The following TENM4 variants were observed in gnomAD, a reference collection of about 807,000 sequenced individuals.
TENM4 encodes the protein teneurin transmembrane protein 4.
Under a neutral mutation model 243.3 loss-of-function variants are expected in TENM4, and 82 were observed. The ratio of observed to expected loss-of-function variants is 0.34; its 90% CI spans 0.28 to 0.40. The LOEUF (loss-of-function observed/expected upper bound fraction) is 0.40, where lower values mean the gene tolerates loss of function less well. TENM4 is among the 10% of genes least tolerant of loss of function. The pLI is 1.00. For missense variants in TENM4, 3,138 were observed against 3,673.3 expected (o/e 0.85, Z 3.77); for synonymous variants, 1,412 against 1,456.3 (o/e 0.97, Z 0.69).
intron 2 of TENM4, among the ~76,000 whole-genome samples, chr11:79,296,720 G>T (rs1304870688): frequency 6.6e-6 from 1 of 152,194 alleles, no homozygotes; most frequent in Admixed American, 6.5e-5. Flanking sequence ...TCAAGGTATG[G>T]CTTTGGCCCA....
rs549785146 is a variant in TENM4, at chr11:78,902,437, A to C, written c.749+831T>G. On this transcript the variant is annotated intron_variant, in intron 7 of 33. Coordinates refer to ENST00000278550, the MANE Select transcript of TENM4 (RefSeq NM_001098816.3). The stretch of plus-strand genomic sequence containing the variant: ...CTGACCAACAAAGCTGGAAGAAGGA[A>C]CAGGGCAGAGGGATCCCGGCCAGCA... 4.6e-5 allele frequency among the ~76,000 whole-genome samples: 7 copies of C among 152,314 alleles called. No homozygotes were observed. The East Asian group carries it at 1.2e-3, about 25-fold the overall frequency.
At chr11:79,219,027 T>A (rs139707275) in intron 2 of TENM4, among the ~76,000 whole-genome samples, 42 of 152,296 alleles carry the variant, frequency 2.8e-4, no homozygotes, top group Admixed American at 1.2e-3. Flanking sequence ...AGAACTATAA[T>A]GTTTGGCAGT....
chr11:79,035,861 C>T (rs1016592892), intron 6 of TENM4, among the ~76,000 whole-genome samples: 4 of 152,160 alleles, frequency 2.6e-5, no homozygotes, highest in African/African-American at 7.2e-5. Flanking sequence ...TCACCCATCC[C>T]ACTCATCTCC....
intron 9 of TENM4, among the ~76,000 whole-genome samples, chr11:78,865,910 A>G (rs1057013653): frequency 2.6e-5 from 4 of 152,230 alleles, no homozygotes; most frequent in Non-Finnish European, 5.9e-5. Context: ...GTACCTAATG[A>G]GGTAATACAT....
intron 6 of TENM4, among the ~76,000 whole-genome samples, chr11:79,028,121 T>A (rs1220875359): frequency 6.6e-6 from 1 of 152,206 alleles, no homozygotes; most frequent in Non-Finnish European, 1.5e-5. Flanking sequence ...AAGTTTCCTG[T>A]ACCTCAGTTT....
At chr11:78,724,334 C>T (rs1401024802) in intron 23 of TENM4, among the ~76,000 whole-genome samples, 2 of 152,226 alleles carry the variant, frequency 1.3e-5, no homozygotes, top group African/African-American at 4.8e-5. Flanking sequence ...TCAAGCGATC[C>T]TCTCGCCTTA....
At chr11:79,046,706 T>C (rs1859669239) in intron 6 of TENM4, among the ~76,000 whole-genome samples, 1 of 152,092 alleles carries the variant, frequency 6.6e-6, no homozygotes, top group Non-Finnish European at 1.5e-5. Flanking sequence ...ATACCAGAGA[T>C]GGTGGCAACC....
At chr11:79,242,528 C>G (rs111917541) in intron 2 of TENM4, among the ~76,000 whole-genome samples, 88 of 152,290 alleles carry the variant, frequency 5.8e-4, no homozygotes, top group Middle Eastern at 3.4e-3. Flanking sequence ...GCTGAGATCA[C>G]ACCGTGTGTG....
intron 4 of TENM4, among the ~76,000 whole-genome samples, chr11:79,131,390 A>C (rs1862000523): frequency 6.6e-6 from 1 of 152,178 alleles, no homozygotes. Context: ...TCCTCAAACA[A>C]AACAATTATC....
At chr11:79,338,977 G>GTTT (rs1225402083) in intron 1 of TENM4, among the ~76,000 whole-genome samples, 6 of 152,204 alleles carry the variant, frequency 3.9e-5, no homozygotes, top group Non-Finnish European at 7.3e-5. Flanking sequence ...AAACCCAAAG[G>GTTT]CCGAGCCTTG....
At chr11:79,382,461 C>T (rs763889204) in intron 1 of TENM4, among the ~76,000 whole-genome samples, 2 of 152,194 alleles carry the variant, frequency 1.3e-5, no homozygotes, top group Non-Finnish European at 2.9e-5. Context: ...AATGAGCAAA[C>T]ATGGAGTTCT....
rs557341163 is a variant in TENM4 at position 78,831,892 on chromosome 11, G to C, written c.1682-17497C>G. Among the ~76,000 whole-genome samples, 12 of 152,322 alleles carry C rather than the reference G, an allele frequency of 7.9e-5. No individual in the cohort carries two copies. The East Asian group carries it at 2.3e-3, about 29-fold the overall frequency. On this transcript the variant is annotated intron_variant, in intron 12 of 33. Coordinates refer to ENST00000278550, the MANE Select transcript of TENM4 (RefSeq NM_001098816.3). ...CTAGGGCTCTGACTCCCTCCAGAAA[G>C]CTTCCTCATTCGAACCCCAAGCCAG...
At chr11:79,132,814 A>G (rs1224495140) in intron 4 of TENM4, among the ~76,000 whole-genome samples, 2 of 152,180 alleles carry the variant, frequency 1.3e-5, no homozygotes, top group African/African-American at 4.8e-5. Flanking sequence ...ATAATGACAC[A>G]ACCTATCAAC....
chr11:79,293,303 G>A (rs772403289), intron 2 of TENM4, among the ~76,000 whole-genome samples: 4 of 151,808 alleles, frequency 2.6e-5, no homozygotes, highest in African/African-American at 7.3e-5. Flanking sequence ...GGATGGGCAC[G>A]GTGGGTCACA....
intron 32 of TENM4, 50 bp from the exon 33 acceptor site, chr11:78,661,641 T>C (rs778828949): frequency 6.3e-7 from 1 of 1,595,076 alleles, no homozygotes; most frequent in African/African-American, 1.3e-5. Flanking sequence ...TGGACCTCAT[T>C]TGCAACCCAT....
intron 1 of TENM4, among the ~76,000 whole-genome samples, chr11:79,360,913 C>T (rs1253402198): frequency 1.3e-5 from 2 of 152,178 alleles, no homozygotes; most frequent in Non-Finnish European, 2.9e-5. Context: ...GCCCTGCCCA[C>T]AATGCCCTAA....
intron 1 of TENM4, among the ~76,000 whole-genome samples, chr11:79,315,160 G>T (rs763706631): frequency 6.6e-6 from 1 of 152,106 alleles, no homozygotes; most frequent in African/African-American, 2.4e-5. Context: ...TTACTGTAAG[G>T]CCCCAAATAA....
At chr11:79,092,391 C>G (rs1393518871) in intron 4 of TENM4, among the ~76,000 whole-genome samples, 1 of 152,202 alleles carries the variant, frequency 6.6e-6, no homozygotes, top group East Asian at 1.9e-4. Context: ...AGTAGATCTT[C>G]CATTCTCCCC....
In TENM4 at chr11:78,778,638, T is replaced by C. The variant is rs1856783793; in HGVS notation, c.2366-10A>G. ...CTATCCAGATAGTGAGCTAGGGAGA[T>C]AAAAGACAGGACATTTAAGGTAGGA... is the stretch of plus-strand genomic sequence containing the variant. On this transcript the variant is annotated splice_polypyrimidine_tract_variant and intron_variant, in intron 16 of 33. Transcript: ENST00000278550. 6.2e-7 allele frequency: 1 copy of C among 1,611,600 alleles called. No individual in the cohort carries two copies. The highest frequency in any genetic ancestry group is 1.3e-5 in the African/African-American group (1 of 74,900).
Sources: gnomAD v4.1 joint callset for allele counts (sites outside exome capture counted in the v4.1 genomes callset) on GRCh38, gnomAD v4.1.1 for gene constraint, MANE v1.5 for transcripts, NCBI Gene and HGNC (gene_info 2026-07-23, HGNC 2026-07-21) for gene names.